Variants in DPP10 observed in about 807,000 individuals in gnomAD.
The protein encoded by DPP10 is dipeptidyl peptidase like 10, also known as inactive dipeptidyl peptidase 10.
Under a neutral mutation model 120.9 loss-of-function variants are expected in DPP10, and 33 were observed. That is an observed-to-expected ratio of 0.27 (90% CI 0.21 to 0.37). The LOEUF (loss-of-function observed/expected upper bound fraction) is 0.37, where lower values mean the gene tolerates loss of function less well. Among genes scored for constraint, DPP10 ranks in the 10% least tolerant of loss-of-function variants. DPP10 has a pLI of 1.00. For synonymous variants in DPP10, 337 were observed against 326.1 expected, an observed-to-expected ratio of 1.03 and a Z score of -0.36; for missense variants, 816 against 942.8, an observed-to-expected ratio of 0.87 and a Z score of 1.76.
At chr2:115,745,994 A>G (rs1677919684) in intron 9 of DPP10, 92 bp from the exon 10 acceptor site, 2 of 938,482 alleles carry the variant, frequency 2.1e-6, no homozygotes, top group Non-Finnish European at 3.1e-6. Context: ...TTTCTAACAC[A>G]AAACAGTAAA....
At chr2:115,247,682 A>G (rs2058592755) in intron 1 of DPP10, among the ~76,000 whole-genome samples, 2 of 152,094 alleles carry the variant, frequency 1.3e-5, no homozygotes, top group Middle Eastern at 3.2e-3. Context: ...GTGGCTGGAG[A>G]TGAAATACAA....
chr2:114,679,687 A>G (rs1309547814), intron 1 of DPP10, among the ~76,000 whole-genome samples: 2 of 152,058 alleles, frequency 1.3e-5, no homozygotes, highest in Admixed American at 6.6e-5. Context: ...TAGATAATCT[A>G]TCATAAATTA....
At chr2:115,326,952 A>G (rs1274343621) in intron 2 of DPP10, among the ~76,000 whole-genome samples, 1 of 152,082 alleles carries the variant, frequency 6.6e-6, no homozygotes, top group Admixed American at 6.6e-5. Flanking sequence ...AGTCTACAGT[A>G]GTGTGCAGTA....
intron 5 of DPP10, among the ~76,000 whole-genome samples, chr2:115,564,511 A>C (rs1484729216): frequency 1.3e-5 from 2 of 152,180 alleles, no homozygotes; most frequent in Non-Finnish European, 2.9e-5. Flanking sequence ...ATACACATAT[A>C]TCTAACTACA....
chr2:115,378,670 T>C (rs898395920), intron 3 of DPP10, among the ~76,000 whole-genome samples: 2 of 151,918 alleles, frequency 1.3e-5, no homozygotes, highest in East Asian at 3.9e-4. Context: ...GCCCATTCAG[T>C]ATGATATTGG....
rs189504468 is a variant in DPP10 at position 115,577,200 on chromosome 2, A to G, written c.441+51228A>G. ...TGCTCACTGACTCCCAGGCCTAAGG[A>G]TAGTCAGTCTAGAGGAAGATGCTGC... On this transcript the variant is annotated intron_variant, in intron 5 of 25. Transcript: ENST00000410059. 4.6e-3 allele frequency among the ~76,000 whole-genome samples: 700 copies of G among 152,264 alleles called. 5 individuals are homozygous for G. Among genetic ancestry groups the G allele is most frequent in the South Asian group, 0.015 (73 of 4,824 alleles).
intron 1 of DPP10, among the ~76,000 whole-genome samples, chr2:114,701,545 T>G (rs1427597747): frequency 6.6e-6 from 1 of 152,160 alleles, no homozygotes; most frequent in African/African-American, 2.4e-5. Context: ...AAATTATTGC[T>G]CTCATTTTAA....
chr2:114,826,534 A>T (rs1351858516), intron 1 of DPP10, among the ~76,000 whole-genome samples: 1 of 151,922 alleles, frequency 6.6e-6, no homozygotes, highest in Non-Finnish European at 1.5e-5. Context: ...GCCAGAGAAA[A>T]TTTTTTATTT....
intron 1 of DPP10, among the ~76,000 whole-genome samples, chr2:115,065,880 TAATTG>T (rs1162403653): frequency 6.6e-6 from 1 of 152,208 alleles, no homozygotes; most frequent in Non-Finnish European, 1.5e-5. Flanking sequence ...CACCCAAGAA[TAATTG>T]AATTGGTGTA....
chr2:115,233,956 A>G (rs1237114911), intron 1 of DPP10: 2 of 518,354 alleles, frequency 3.9e-6, no homozygotes, highest in Admixed American at 1.9e-5. Context: ...TTCTAGAACT[A>G]AGAGATAAAT....
chr2:114,980,772 T>G (rs995972756), intron 1 of DPP10, among the ~76,000 whole-genome samples: 19 of 152,084 alleles, frequency 1.2e-4, no homozygotes, highest in Non-Finnish European at 1.5e-5. Flanking sequence ...GGTATAAGCA[T>G]GAGCCACTGC....
intron 1 of DPP10, among the ~76,000 whole-genome samples, chr2:115,157,266 G>T (rs1287737958): frequency 7.3e-6 from 1 of 137,838 alleles, no homozygotes; most frequent in Non-Finnish European, 1.5e-5. Flanking sequence ...AAAAAAGAGA[G>T]ATTTGACAAC....
At chr2:114,571,667 T>C (rs1264414769) in intron 1 of DPP10, among the ~76,000 whole-genome samples, 3 of 152,118 alleles carry the variant, frequency 2.0e-5, no homozygotes, top group Non-Finnish European at 4.4e-5. Flanking sequence ...ATGAAAATTC[T>C]GACAATTAAT....
chr2:114,442,691 C>G lies in DPP10; in HGVS notation c.-88C>G. 1 of 1,467,248 alleles carries G rather than the reference C, an allele frequency of 6.8e-7. No homozygotes were observed. The highest frequency in any genetic ancestry group is 1.2e-5 in the South Asian group (1 of 84,684). The allele number at this position is 1,467,248 out of a possible 1,614,324, so 90.9% of individuals were successfully genotyped here. On this transcript the variant is annotated 5_prime_UTR_variant, in exon 1 of 26. Coordinates refer to ENST00000410059, the MANE Select transcript of DPP10 (RefSeq NM_020868.6). Reference sequence around the variant, plus strand: ...GCAGCGGCAGCAGCAACAGCAGCAGCCCCTACTGAAGTCCAATAGAGGAGA... The same window carrying G: ...GCAGCGGCAGCAGCAACAGCAGCAGGCCCTACTGAAGTCCAATAGAGGAGA...
At chr2:115,837,397 A>G (rs2166473) in intron 24 of DPP10, among the ~76,000 whole-genome samples, 1,960 of 152,312 alleles carry the variant, frequency 0.013, 45 homozygotes, top group African/African-American at 0.042. Flanking sequence ...TACAACAGAC[A>G]GCTGAATATT....
At chr2:114,925,903 A>G (rs537086541) in intron 1 of DPP10, among the ~76,000 whole-genome samples, 2 of 152,334 alleles carry the variant, frequency 1.3e-5, no homozygotes, top group South Asian at 2.1e-4. Flanking sequence ...TCAAGCAGAC[A>G]GTCTGACAAG....
At chr2:115,479,498 C>A (rs541843866) in intron 3 of DPP10, among the ~76,000 whole-genome samples, 1 of 152,094 alleles carries the variant, frequency 6.6e-6, no homozygotes, top group Admixed American at 6.6e-5. Flanking sequence ...CAATGGTTAT[C>A]CAACAATATG....
chr2:115,469,117 G>A (rs1355198029), intron 3 of DPP10, among the ~76,000 whole-genome samples: 1 of 151,986 alleles, frequency 6.6e-6, no homozygotes, highest in African/African-American at 2.4e-5. Context: ...AGTAGAGATG[G>A]GGTTACACCA....
intron 1 of DPP10, among the ~76,000 whole-genome samples, chr2:115,028,565 C>G (rs1451944192): frequency 6.6e-6 from 1 of 152,016 alleles, no homozygotes; most frequent in Middle Eastern, 3.2e-3. Context: ...TATTCTGATA[C>G]AGTTGGGTGA....
Sources: allele counts gnomAD v4.1 joint callset (sites outside exome capture counted in the v4.1 genomes callset), GRCh38; gene constraint gnomAD v4.1.1; transcripts MANE v1.5; gene names NCBI Gene and HGNC (gene_info 2026-07-23, HGNC 2026-07-21).